Variants in UGT1A4 observed in about 807,000 individuals in gnomAD.
The protein encoded by UGT1A4 is UDP glucuronosyltransferase family 1 member A4.
In UGT1A4, 32 loss-of-function variants were observed where a neutral mutation model predicts 41.1. That is an observed-to-expected ratio of 0.78 (90% CI 0.59 to 1.05). The LOEUF is 1.05. Ranked by LOEUF, UGT1A4 falls within the 50% of genes least tolerant of loss-of-function variation. The pLI is 0.00. For missense variants in UGT1A4, 748 were observed against 677.4 expected (o/e 1.10, Z -1.16); for synonymous variants, 283 against 265.1 (o/e 1.07, Z -0.66).
intron 3 of UGT1A4, 76 bp from the exon 4 acceptor site, chr2:233,768,144 T>C: frequency 6.2e-7 from 1 of 1,610,934 alleles, no homozygotes; most frequent in Non-Finnish European, 8.5e-7. Context: ...CTTTGGAGTG[T>C]TTTCAGAACC....
chr2:233,741,432 C>T (rs1352002109), intron 1 of UGT1A4: 1 of 151,408 alleles, frequency 6.6e-6, no homozygotes, highest in Non-Finnish European at 1.5e-5. Flanking sequence ...AGCAAACCTA[C>T]TCAGCAAACT....
At position 233,750,642 on chromosome 2, in the gene UGT1A4, C is replaced by G. The variant is rs1227116452; in HGVS notation, c.868-16392C>G. 2.7e-5 allele frequency: 4 copies of G among 149,396 alleles called. 1 individual carries two copies. The highest frequency in any genetic ancestry group is 1.0e-4 in the African/African-American group (4 of 38,716). 9.3% of individuals were successfully genotyped at this position (149,396 alleles called of 1,614,324 possible). On this transcript the variant is annotated intron_variant, in intron 1 of 4. Transcript: ENST00000373409. ...GGGTCCATGCTCCCCCTGCTGTGTGCAGCCTCAGGACTTGGTGCCCTGTGT... is the reference window on the plus strand; with the variant it reads ...GGGTCCATGCTCCCCCTGCTGTGTGGAGCCTCAGGACTTGGTGCCCTGTGT...
chr2:233,752,944 C>T (rs1559397408), intron 1 of UGT1A4, among the ~76,000 whole-genome samples: 2 of 152,230 alleles, frequency 1.3e-5, no homozygotes, highest in Non-Finnish European at 2.9e-5. Context: ...TTGCTGACCA[C>T]TGAACAATGG....
intron 3 of UGT1A4, 52 bp downstream of exon 3, chr2:233,767,988 A>T: frequency 3.1e-6 from 5 of 1,614,160 alleles, no homozygotes; most frequent in Non-Finnish European, 3.4e-6. Context: ...AATTAAGAAA[A>T]TGGCTTAAGC....
Position 233,734,907 on chromosome 2 carries a change from A to G in UGT1A4, c.867+15220A>G, listed in dbSNP as rs551401777. Among the ~76,000 whole-genome samples, 233 of 152,140 alleles carry G rather than the reference A, an allele frequency of 1.5e-3. 2 individuals carry two copies. The highest frequency in any genetic ancestry group is 5.2e-3 in the African/African-American group (218 of 41,544). On this transcript the variant is annotated intron_variant, in intron 1 of 4. Coordinates refer to ENST00000373409, the MANE Select transcript of UGT1A4 (RefSeq NM_007120.3). The stretch of plus-strand genomic sequence containing the variant: ...TTTGTTGTGATTTCTATTCTTTTAC[A>G]TTTGCTAAGGAGTGCTTTACTTACA...
At position 233,765,423 on chromosome 2, in the gene UGT1A4, G is replaced by A. The variant is rs181881481; in HGVS notation, c.868-1611G>A. Among the ~76,000 whole-genome samples, 139 of 152,286 alleles carry A rather than the reference G, an allele frequency of 9.1e-4. 2 individuals carry two copies. Among genetic ancestry groups the A allele is most frequent in the Non-Finnish European group, 1.8e-3 (124 of 68,036 alleles). On this transcript the variant is annotated intron_variant, in intron 1 of 4. Coordinates refer to ENST00000373409, the MANE Select transcript of UGT1A4 (RefSeq NM_007120.3). ...CATATACACCATGGAATACTATGCA[G>A]CCATAACAAGGAATGAGATCATATT...
chr2:233,760,639 A>G, intron 1 of UGT1A4: 1 of 1,614,156 alleles, frequency 6.2e-7, no homozygotes, highest in African/African-American at 1.3e-5. Context: ...GAAAATAAAA[A>G]AGGACTCTGC....
At chr2:233,743,553 T>G in intron 1 of UGT1A4, 1 of 1,367,178 alleles carries the variant, frequency 7.3e-7, no homozygotes. Flanking sequence ...CCCCCCAAAA[T>G]ATTCTCCAGC....
chr2:233,736,850 CTGCAGAACAGCAAATAT>C (rs1213146640), intron 1 of UGT1A4, among the ~76,000 whole-genome samples: 4 of 152,338 alleles, frequency 2.6e-5, no homozygotes, highest in African/African-American at 7.2e-5. Flanking sequence ...CCAGTGGAGG[CTGCAGAACAGCAAATAT>C]TGCAGAACAG....
Position 233,719,128 on chromosome 2 carries a change from C to G in UGT1A4, c.308C>G (p.Thr103Arg). ...GGCTACACTCAAGGGTTCTTTGAAA[C>G]AGAACATCTTCTGAAGAGATATTCT... ...TLGYTQGFFE[T>R]EHLLKRYSRS... Residue 103 changes from threonine (T) to arginine (R), a missense_variant, in exon 1 of 5, where the codon ACA (threonine) becomes AGA (arginine). By Grantham distance (71) the Thr-to-Arg change is moderately conservative. Transcript: ENST00000373409. 1 of 1,614,240 alleles carries G rather than the reference C, an allele frequency of 6.2e-7. No homozygotes were observed. Among genetic ancestry groups the G allele is most frequent in the East Asian group, 2.2e-5 (1 of 44,884 alleles).
At chr2:233,756,125 T>G (rs922243394) in intron 1 of UGT1A4, 6 of 152,194 alleles carry the variant, frequency 3.9e-5, no homozygotes, top group Non-Finnish European at 7.3e-5. Flanking sequence ...TTTGTAAAAT[T>G]CTCCTGAAAA....
In UGT1A4 at chr2:233,767,087, T is replaced by A; in HGVS notation, c.921T>A (p.Ser307=). 1 of 1,614,180 alleles carries A rather than the reference T, an allele frequency of 6.2e-7. No homozygotes were observed. The highest frequency in any genetic ancestry group is 8.5e-7 in the Non-Finnish European group (1 of 1,180,034). The change falls in exon 2 of 5, where the codon TCT becomes TCA. Residue 307 remains serine, a synonymous_variant. Coordinates refer to ENST00000373409, the MANE Select transcript of UGT1A4 (RefSeq NM_007120.3). ...GAGAACATGGAATTGTGGTTTTCTC[T>A]TTGGGATCAATGGTCTCAGAAATTC... is the stretch of plus-strand genomic sequence containing the variant. The part of the protein sequence containing the change: ...ASGEHGIVVF[S]LGSMVSEIPE...
At chr2:233,724,932 T>A (rs1473409991) in intron 1 of UGT1A4, among the ~76,000 whole-genome samples, 3 of 142,946 alleles carry the variant, frequency 2.1e-5, no homozygotes, top group African/African-American at 8.1e-5. Flanking sequence ...TGAACGAGAC[T>A]CCGTCTGCAA....
chr2:233,730,252 T>A (rs1444242669), intron 1 of UGT1A4, among the ~76,000 whole-genome samples: 1 of 152,134 alleles, frequency 6.6e-6, no homozygotes, highest in Non-Finnish European at 1.5e-5. Context: ...GTGTGACTCA[T>A]AGAGACTGTT....
At chr2:233,763,011 T>G (rs1346748254) in intron 1 of UGT1A4, among the ~76,000 whole-genome samples, 2 of 152,248 alleles carry the variant, frequency 1.3e-5, no homozygotes, top group Non-Finnish European at 2.9e-5. Flanking sequence ...TTTCATTATT[T>G]TGCATTATGT....
chr2:233,734,021 G>A (rs2078468168), intron 1 of UGT1A4, among the ~76,000 whole-genome samples: 1 of 152,072 alleles, frequency 6.6e-6, no homozygotes, highest in Non-Finnish European at 1.5e-5. Context: ...ACGAGTTAAT[G>A]GGTGCAGCAC....
chr2:233,720,890 T>C (rs2076904150), intron 1 of UGT1A4, among the ~76,000 whole-genome samples: 1 of 149,554 alleles, frequency 6.7e-6, no homozygotes, highest in South Asian at 2.1e-4. Context: ...TTTTTTTTTT[T>C]AGTAGAGATG....
At chr2:233,740,826 G>C (rs1278219127) in intron 1 of UGT1A4, 2 of 151,802 alleles carry the variant, frequency 1.3e-5, no homozygotes, top group Non-Finnish European at 2.9e-5. Flanking sequence ...TTTGAGCTGA[G>C]ACATTTTAAA....
intron 1 of UGT1A4, among the ~76,000 whole-genome samples, chr2:233,759,580 A>G (rs1271749262): frequency 2.0e-5 from 3 of 151,416 alleles, no homozygotes; most frequent in Non-Finnish European, 2.9e-5. Flanking sequence ...TCTCTACCCC[A>G]GCACGCCCCC....
Sources: gnomAD v4.1 joint callset for allele counts (sites outside exome capture counted in the v4.1 genomes callset) on GRCh38, gnomAD v4.1.1 for gene constraint, MANE v1.5 for transcripts, NCBI Gene and HGNC (gene_info 2026-07-23, HGNC 2026-07-21) for gene names.